The following CCSER2 variants were observed in gnomAD, a reference collection of about 807,000 sequenced individuals.
CCSER2 encodes coiled-coil serine rich protein 2, also known as serine-rich coiled-coil domain-containing protein 2.
In CCSER2, 46 loss-of-function variants were observed where a neutral mutation model predicts 92.3. That is an observed-to-expected ratio of 0.50 (90% CI 0.39 to 0.64). The LOEUF (loss-of-function observed/expected upper bound fraction) is 0.64. Among genes scored for constraint, CCSER2 ranks in the 30% least tolerant of loss-of-function variants. The pLI is 0.00. For synonymous variants in CCSER2, 433 were observed against 431.4 expected, an observed-to-expected ratio of 1.00 and a Z score of -0.04; for missense variants, 1,244 against 1,238.9, an observed-to-expected ratio of 1.00 and a Z score of -0.06.
At chr10:84,483,362 C>T (rs1847569476) in intron 9 of CCSER2, among the ~76,000 whole-genome samples, 1 of 148,468 alleles carries the variant, frequency 6.7e-6, no homozygotes, top group Admixed American at 6.7e-5. Flanking sequence ...AATTGCACTC[C>T]AGCCTGGGCA....
chr10:84,510,515 A>T (rs76791621), intron 9 of CCSER2, among the ~76,000 whole-genome samples: 3,272 of 152,308 alleles, frequency 0.021, 95 homozygotes, highest in Admixed American at 0.074. Flanking sequence ...ATAAACATTT[A>T]AAAAGTGTAT....
At chr10:84,333,342 G>A (rs1339039197) in intron 1 of CCSER2, among the ~76,000 whole-genome samples, 1 of 152,108 alleles carries the variant, frequency 6.6e-6, no homozygotes, top group Non-Finnish European at 1.5e-5. Flanking sequence ...TTGGCATGGA[G>A]TTTCTTACCT....
At chr10:84,433,293 CA>C (rs1161535727) in intron 5 of CCSER2, among the ~76,000 whole-genome samples, 2 of 152,226 alleles carry the variant, frequency 1.3e-5, no homozygotes, top group East Asian at 3.9e-4. Flanking sequence ...AATGTTACCA[CA>C]AACATAAAAA....
chr10:84,420,496 C>T (rs1418880800), intron 4 of CCSER2, among the ~76,000 whole-genome samples: 1 of 152,156 alleles, frequency 6.6e-6, no homozygotes, highest in African/African-American at 2.4e-5. Context: ...CAATTATACA[C>T]ACCCATTACA....
chr10:84,453,265 A>G (rs1287840283), intron 6 of CCSER2, among the ~76,000 whole-genome samples: 1 of 152,142 alleles, frequency 6.6e-6, no homozygotes, highest in Non-Finnish European at 1.5e-5. Flanking sequence ...TCTATGATAT[A>G]AGTTCTTTGG....
At chr10:84,504,537 T>C (rs966179635) in intron 9 of CCSER2, among the ~76,000 whole-genome samples, 6 of 152,242 alleles carry the variant, frequency 3.9e-5, no homozygotes, top group Non-Finnish European at 5.9e-5. Context: ...ACTGTACTTA[T>C]TCTTTTAGTC....
intron 3 of CCSER2, chr10:84,390,827 T>G: frequency 3.8e-6 from 2 of 521,524 alleles, no homozygotes; most frequent in Non-Finnish European, 7.1e-6. Flanking sequence ...TTTATGGAGA[T>G]GATCTTGGAC....
intron 6 of CCSER2, among the ~76,000 whole-genome samples, chr10:84,450,305 A>G (rs1043245904): frequency 6.6e-6 from 1 of 152,226 alleles, no homozygotes; most frequent in Non-Finnish European, 1.5e-5. Flanking sequence ...TAATGAAGTA[A>G]AACAGTATAA....
At chr10:84,439,532 T>A (rs1419151074) in intron 6 of CCSER2, among the ~76,000 whole-genome samples, 1 of 152,198 alleles carries the variant, frequency 6.6e-6, no homozygotes, top group East Asian at 1.9e-4. Context: ...AAACAAAACA[T>A]GCAGTATATG....
At chr10:84,379,152 A>G (rs1846505555) in intron 3 of CCSER2, among the ~76,000 whole-genome samples, 1 of 152,182 alleles carries the variant, frequency 6.6e-6, no homozygotes, top group Non-Finnish European at 1.5e-5. Flanking sequence ...TTTAATTTTT[A>G]GATATTGGCA....
Position 84,371,938 on chromosome 10 carries a change from G to T in CCSER2, c.886G>T (p.Ala296Ser), listed in dbSNP as rs760350677. Residue 296 changes from alanine (A) to serine (S), a missense_variant, in exon 2 of 10, where the codon GCT becomes TCT. By Grantham distance (99) the Ala-to-Ser change is moderately conservative (BLOSUM62 1). Transcript: ENST00000372088. ...LGYGFNRPYA[A>S]GGKKLALPNG... ...GTATGGATTTAATAGGCCTTATGCT[G>T]CTGGTGGAAAGAAGTTGGCTTTACC... 6.2e-7 allele frequency: 1 copy of T among 1,613,806 alleles called. No homozygotes were observed. Among genetic ancestry groups the T allele is most frequent in the Non-Finnish European group, 8.5e-7 (1 of 1,179,818 alleles).
chr10:84,331,566 T>C (rs951902515), intron 1 of CCSER2, among the ~76,000 whole-genome samples: 1 of 152,220 alleles, frequency 6.6e-6, no homozygotes, highest in Admixed American at 6.5e-5. Flanking sequence ...ATAGCATGGC[T>C]AAAATTACTT....
At chr10:84,418,255 T>C (rs1401164171) in intron 4 of CCSER2, among the ~76,000 whole-genome samples, 1 of 152,232 alleles carries the variant, frequency 6.6e-6, no homozygotes, top group Non-Finnish European at 1.5e-5. Context: ...TTATAGAGAT[T>C]AATTCTGGGA....
chr10:84,513,131 A>G (rs951265654), intron 9 of CCSER2, among the ~76,000 whole-genome samples: 1 of 152,198 alleles, frequency 6.6e-6, no homozygotes, highest in Non-Finnish European at 1.5e-5. Flanking sequence ...GTCAAGCTCT[A>G]AGGTTTAAAA....
chr10:84,504,558 G>A (rs919295226), intron 9 of CCSER2, among the ~76,000 whole-genome samples: 5 of 152,122 alleles, frequency 3.3e-5, no homozygotes, highest in Non-Finnish European at 5.9e-5. Context: ...CTTTTGGCTG[G>A]AGAATTGTTC....
chr10:84,391,320 G>A (rs2133259810), intron 3 of CCSER2: 2 of 1,445,510 alleles, frequency 1.4e-6, no homozygotes, highest in African/African-American at 1.4e-5. Flanking sequence ...GATTTACTGA[G>A]TGGCCTGGCT....
chr10:84,488,188 G>T (rs1847924047), intron 9 of CCSER2, among the ~76,000 whole-genome samples: 1 of 152,148 alleles, frequency 6.6e-6, no homozygotes, highest in Non-Finnish European at 1.5e-5. Flanking sequence ...CAGGGATATT[G>T]GTCTAAAATT....
chr10:84,470,190 CTAT>C (rs1023452974), intron 7 of CCSER2, among the ~76,000 whole-genome samples, 179 bp from the exon 8 acceptor site: 1 of 151,814 alleles, frequency 6.6e-6, no homozygotes, highest in Non-Finnish European at 1.5e-5. Flanking sequence ...GTTGCTGCTA[CTAT>C]TGCTCATTGT....
intron 6 of CCSER2, among the ~76,000 whole-genome samples, chr10:84,460,575 A>G (rs1846050321): frequency 6.6e-6 from 1 of 151,258 alleles, no homozygotes. Context: ...TTTTGGAACA[A>G]TTTGCCAGTA....
Sources: allele counts gnomAD v4.1 joint callset (sites outside exome capture counted in the v4.1 genomes callset), GRCh38; gene constraint gnomAD v4.1.1; transcripts MANE v1.5; gene names NCBI Gene and HGNC (gene_info 2026-07-23, HGNC 2026-07-21).